The following PLPPR1 variants were observed in gnomAD, a reference collection of about 807,000 sequenced individuals.
PLPPR1 encodes phospholipid phosphatase-related protein type 1.
PLPPR1 carries 10 observed loss-of-function variants against 33.1 expected under a neutral mutation model. The observed-to-expected ratio is 0.30, with a 90% confidence interval of 0.19 to 0.51. The LOEUF (loss-of-function observed/expected upper bound fraction) is 0.51, where lower values mean the gene tolerates loss of function less well. Ranked by LOEUF, PLPPR1 falls within the 20% of genes least tolerant of loss-of-function variation. The pLI is 0.97. For synonymous variants in PLPPR1, 151 were observed against 151.0 expected (o/e 1.00, Z 0.00); for missense variants, 304 against 408.1 (o/e 0.74, Z 2.20).
At chr9:101,207,194 A>C (rs1826604897) in intron 2 of PLPPR1, among the ~76,000 whole-genome samples, 1 of 152,306 alleles carries the variant, frequency 6.6e-6, no homozygotes, top group East Asian at 1.9e-4. Context: ...ATATTGGCTC[A>C]GGGAATGAGT....
chr9:101,126,615 T>C (rs763604545), intron 1 of PLPPR1, among the ~76,000 whole-genome samples: 1 of 152,226 alleles, frequency 6.6e-6, no homozygotes, highest in Non-Finnish European at 1.5e-5. Context: ...GGTTTTAATG[T>C]TGCAGCTACA....
At chr9:101,053,761 T>G (rs1385460095) in intron 1 of PLPPR1, among the ~76,000 whole-genome samples, 1 of 152,188 alleles carries the variant, frequency 6.6e-6, no homozygotes, top group Non-Finnish European at 1.5e-5. Flanking sequence ...TCTTGAAGGA[T>G]AGTCTGGGGC....
At chr9:101,247,042 A>T (rs1184135971) in intron 2 of PLPPR1, among the ~76,000 whole-genome samples, 1 of 151,952 alleles carries the variant, frequency 6.6e-6, no homozygotes, top group Non-Finnish European at 1.5e-5. Context: ...CTTCCTATTT[A>T]GTGAGAGAAA....
Position 101,324,601 on chromosome 9 carries a change from G to A in PLPPR1, c.*544G>A, listed in dbSNP as rs1829219942. On this transcript the variant is annotated 3_prime_UTR_variant, in exon 8 of 8. Coordinates refer to ENST00000374874, the MANE Select transcript of PLPPR1 (RefSeq NM_207299.2). ...AATTGTTACGTTCAAAGTTTAAAGT[G>A]ATATATTAACAAAGTCACCTAGTTA... The A allele has an allele frequency of 6.6e-6, 1 of 152,374 alleles. No individual in the cohort carries two copies. The highest frequency in any genetic ancestry group is 6.5e-5 in the Admixed American group (1 of 15,292). 9.4% of individuals were successfully genotyped at this position (152,374 alleles called of 1,614,324 possible).
chr9:101,140,814 A>T (rs1831441771), intron 1 of PLPPR1, among the ~76,000 whole-genome samples: 1 of 152,158 alleles, frequency 6.6e-6, no homozygotes, highest in South Asian at 2.1e-4. Flanking sequence ...GTGTGTATGT[A>T]CTCTGTCTAG....
chr9:101,125,151 T>C (rs1403902628), intron 1 of PLPPR1, among the ~76,000 whole-genome samples: 5 of 152,236 alleles, frequency 3.3e-5, no homozygotes, highest in Non-Finnish European at 2.9e-5. Flanking sequence ...TCTTTGCTTT[T>C]GTACCTCTTT....
chr9:101,123,408 A>G (rs899217036), intron 1 of PLPPR1, among the ~76,000 whole-genome samples: 3 of 152,122 alleles, frequency 2.0e-5, no homozygotes, highest in Non-Finnish European at 4.4e-5. Context: ...TGCTCACAGG[A>G]TAGTAGGGAG....
chr9:101,248,919 A>C (rs931664878), intron 2 of PLPPR1, among the ~76,000 whole-genome samples: 4 of 152,094 alleles, frequency 2.6e-5, no homozygotes, highest in Non-Finnish European at 4.4e-5. Context: ...AGTGGTCTTA[A>C]GATTGTCAGG....
intron 1 of PLPPR1, among the ~76,000 whole-genome samples, chr9:101,179,970 T>C (rs1279046763): frequency 2.0e-5 from 3 of 151,384 alleles, no homozygotes; most frequent in Non-Finnish European, 4.4e-5. Flanking sequence ...CTTCCTGCCT[T>C]CAAACATCAG....
chr9:101,169,642 T>C (rs1310898297), intron 1 of PLPPR1, among the ~76,000 whole-genome samples: 1 of 151,960 alleles, frequency 6.6e-6, no homozygotes. Context: ...TGGCTTACTT[T>C]TTTAGATGAA....
intron 2 of PLPPR1, among the ~76,000 whole-genome samples, chr9:101,230,848 G>C (rs1827169272): frequency 7.0e-6 from 1 of 143,202 alleles, no homozygotes; most frequent in Admixed American, 6.9e-5. Context: ...TTTTGAACTA[G>C]TCATTCTCTG....
intron 1 of PLPPR1, among the ~76,000 whole-genome samples, chr9:101,138,176 A>C (rs1357102597): frequency 6.6e-6 from 1 of 152,230 alleles, no homozygotes; most frequent in Admixed American, 6.5e-5. Context: ...GGGTCAATAC[A>C]GATCAGAGTT....
intron 2 of PLPPR1, among the ~76,000 whole-genome samples, chr9:101,259,346 T>C (rs1430893602): frequency 2.0e-5 from 3 of 152,150 alleles, no homozygotes; most frequent in African/African-American, 4.8e-5. Flanking sequence ...CCAAAAAATA[T>C]GGGCAGGACA....
chr9:101,181,600 G>T (rs916200756), intron 1 of PLPPR1, among the ~76,000 whole-genome samples: 1 of 123,834 alleles, frequency 8.1e-6, no homozygotes, highest in Non-Finnish European at 1.7e-5. Flanking sequence ...AAGAAATTGG[G>T]TATATGTATG....
chr9:101,116,745 G>A lies in PLPPR1; in HGVS notation c.-45-68705G>A, dbSNP rs186713536. Among the ~76,000 whole-genome samples, 161 of 151,044 alleles carry A rather than the reference G, an allele frequency of 1.1e-3. 6 individuals carry two copies. The highest frequency in any genetic ancestry group is 9.1e-3 in the Admixed American group (137 of 15,126). On this transcript the variant is annotated intron_variant, in intron 1 of 7. Transcript: ENST00000374874. Reference sequence around the variant, plus strand: ...GTTCGCTTGAAGCTGGGAGGTGGAGGTTGCAGTGAGCCAAGATTGCACCAC... The same window carrying A: ...GTTCGCTTGAAGCTGGGAGGTGGAGATTGCAGTGAGCCAAGATTGCACCAC...
At chr9:101,217,668 A>AT (rs1442149585) in intron 2 of PLPPR1, among the ~76,000 whole-genome samples, 2 of 152,208 alleles carry the variant, frequency 1.3e-5, no homozygotes, top group Admixed American at 6.5e-5. Flanking sequence ...CAATAAAACT[A>AT]TAAAAACAGG....
At chr9:101,277,613 G>A (rs1828220971) in intron 3 of PLPPR1, among the ~76,000 whole-genome samples, 1 of 152,210 alleles carries the variant, frequency 6.6e-6, no homozygotes, top group South Asian at 2.1e-4. Flanking sequence ...CAAAGATGTT[G>A]GAGCTAAAAA....
At chr9:101,315,274 T>G (rs1390041731) in intron 6 of PLPPR1, among the ~76,000 whole-genome samples, 17 of 152,182 alleles carry the variant, frequency 1.1e-4, no homozygotes, top group Admixed American at 1.1e-3. Flanking sequence ...GAGGAATTTT[T>G]TTAAGAAGGA....
chr9:101,101,101 G>T (rs113381521), intron 1 of PLPPR1, among the ~76,000 whole-genome samples: 4,348 of 152,144 alleles, frequency 0.029, 80 homozygotes, highest in Middle Eastern at 0.061. Context: ...TATAGCATTT[G>T]CTCTGTGTTA....
Sources: allele counts gnomAD v4.1 joint callset (sites outside exome capture counted in the v4.1 genomes callset), GRCh38; gene constraint gnomAD v4.1.1; transcripts MANE v1.5; gene names NCBI Gene and HGNC (gene_info 2026-07-23, HGNC 2026-07-21).